The following VPS53 variants were observed in gnomAD, a reference collection of about 807,000 sequenced individuals.
VPS53 encodes vacuolar protein sorting-associated protein 53 homolog.
Under a neutral mutation model 107.0 loss-of-function variants are expected in VPS53, and 70 were observed. The observed-to-expected ratio is 0.65, with a 90% CI of 0.54 to 0.80. The LOEUF (loss-of-function observed/expected upper bound fraction) is 0.80. Ranked by LOEUF, VPS53 falls within the 30% of genes least tolerant of loss-of-function variation. VPS53 has a pLI of 0.00. For missense variants in VPS53, 917 were observed against 1,049.4 expected, an observed-to-expected ratio of 0.87 and a Z score of 1.74; for synonymous variants, 409 against 393.3, an observed-to-expected ratio of 1.04 and a Z score of -0.47.
intron 4 of VPS53, among the ~76,000 whole-genome samples, chr17:685,408 A>G (rs768743216): frequency 1.3e-5 from 2 of 152,248 alleles, no homozygotes; most frequent in Admixed American, 1.3e-4. Context: ...TGTAGAAACC[A>G]TACTTTGGGT....
At position 635,008 on chromosome 17, in the gene VPS53, A is replaced by C. The variant is rs985073193; in HGVS notation, c.609-3380T>G. Among the ~76,000 whole-genome samples the C allele has an allele frequency of 2.7e-3, 418 of 152,320 alleles. 2 individuals are homozygous for C. The highest frequency in any genetic ancestry group is 3.7e-3 in the Non-Finnish European group (250 of 68,020). On this transcript the variant is annotated intron_variant, in intron 7 of 21. Transcript: ENST00000437048. The stretch of plus-strand genomic sequence containing the variant: ...AATGGTTGAACTAGTTTACATTACC[A>C]CCAACAGTGTAAAATTGTTCCTATT...
intron 6 of VPS53, among the ~76,000 whole-genome samples, chr17:654,716 G>A (rs1268935672): frequency 2.3e-5 from 3 of 128,722 alleles, no homozygotes; most frequent in African/African-American, 6.4e-5. Context: ...CAGCCTGGGC[G>A]ACAGAGCCAG....
chr17:684,374 C>A (rs1016002739), intron 4 of VPS53, among the ~76,000 whole-genome samples: 1 of 151,958 alleles, frequency 6.6e-6, no homozygotes, highest in East Asian at 1.9e-4. Context: ...AATATAAGGT[C>A]AATAAATAAA....
In VPS53 at chr17:562,274, T is replaced by C. The variant is rs147331811; in HGVS notation, c.1556+229A>G. On this transcript the variant is annotated intron_variant, in intron 14 of 21. Coordinates refer to ENST00000437048, the MANE Select transcript of VPS53 (RefSeq NM_001128159.3). Reference sequence around the variant, plus strand: ...ATGGGATTGGTTCTCGAGTCCACCGTGGTAAGATTTGCCCACGTGGGCAGT... The same window carrying C: ...ATGGGATTGGTTCTCGAGTCCACCGCGGTAAGATTTGCCCACGTGGGCAGT... Among the ~76,000 whole-genome samples, 60 of 152,190 alleles carry C rather than the reference T, an allele frequency of 3.9e-4. 1 individual carries two copies. The East Asian group carries it at 7.5e-3, about 19-fold the overall frequency.
intron 8 of VPS53, among the ~76,000 whole-genome samples, chr17:631,198 C>T (rs1017836801): frequency 6.6e-6 from 1 of 151,810 alleles, no homozygotes; most frequent in Non-Finnish European, 1.5e-5. Context: ...AAACCAAAAC[C>T]AGTAAGTTAT....
chr17:531,517 G>A (rs1237390906), intron 19 of VPS53, among the ~76,000 whole-genome samples: 1 of 146,926 alleles, frequency 6.8e-6, no homozygotes, highest in Non-Finnish European at 1.5e-5. Flanking sequence ...TTTTTTTTTT[G>A]TGGGGCAGAT....
At position 521,873 on chromosome 17, in the gene VPS53, A is replaced by T. The variant is rs891882872; in HGVS notation, c.2086-135T>A. The T allele has an allele frequency of 3.6e-5, 39 of 1,097,736 alleles. No homozygotes were observed. In the Admixed American group the frequency reaches 6.7e-4, roughly 19 times the overall value. The allele number at this position is 1,097,736 out of a possible 1,614,324, so 68.0% of individuals were successfully genotyped here. ...TGCAAAAAATTGGGGAAATAAACAG[A>T]AATATAAAAGAAAAAAATTATGTAT... On this transcript the variant is annotated intron_variant, in intron 19 of 21. Coordinates refer to ENST00000437048, the MANE Select transcript of VPS53 (RefSeq NM_001128159.3).
intron 6 of VPS53, among the ~76,000 whole-genome samples, chr17:655,440 T>C (rs574823429): frequency 6.6e-6 from 1 of 151,618 alleles, no homozygotes; most frequent in African/African-American, 2.4e-5. Context: ...TATGGGCCTG[T>C]GTCACTCTGT....
intron 4 of VPS53, chr17:685,089 A>G (rs2740359): frequency 0.99 from 150,890 of 152,318 alleles, 74,758 homozygotes; most frequent in Middle Eastern, 1. Context: ...TTAGAGATGC[A>G]ATGAGAGACA....
intron 17 of VPS53, among the ~76,000 whole-genome samples, chr17:540,830 C>T (rs1910577911): frequency 6.6e-6 from 1 of 152,110 alleles, no homozygotes; most frequent in South Asian, 2.1e-4. Context: ...TCCCCAGAGC[C>T]CAGCTTCTGC....
At chr17:708,207 G>A (rs910851701) in intron 2 of VPS53, among the ~76,000 whole-genome samples, 6 of 152,288 alleles carry the variant, frequency 3.9e-5, no homozygotes, top group Non-Finnish European at 1.5e-5. Context: ...TAGTGGCCCC[G>A]AATGCCTGGA....
chr17:562,937 A>C (rs1215003002), intron 13 of VPS53, among the ~76,000 whole-genome samples, 192 bp from the exon 14 acceptor site: 1 of 152,096 alleles, frequency 6.6e-6, no homozygotes, highest in Non-Finnish European at 1.5e-5. Flanking sequence ...CAGTAATAAA[A>C]TCTGACATAT....
chr17:601,230 G>C (rs1968310740), intron 12 of VPS53, among the ~76,000 whole-genome samples: 1 of 152,216 alleles, frequency 6.6e-6, no homozygotes, highest in Admixed American at 6.5e-5. Flanking sequence ...CCATTCTGTA[G>C]GATGAAGGGA....
intron 11 of VPS53, among the ~76,000 whole-genome samples, chr17:611,154 T>C (rs1226351415): frequency 6.6e-6 from 1 of 151,970 alleles, no homozygotes; most frequent in East Asian, 1.9e-4. Context: ...GCTGGGATTA[T>C]AGGCACCCGC....
rs1908407943 is a variant in VPS53 at position 517,673 on chromosome 17, T to C, written c.*1455A>G. ...TAGCTGGGATTACAGGCACTCGCCA[T>C]GACACCCGGCTAATTTTTTTTATTT... On this transcript the variant is annotated 3_prime_UTR_variant, in exon 22 of 22. Transcript: ENST00000437048. The C allele has an allele frequency of 2.8e-6, 1 of 361,386 alleles. No individual in the cohort carries two copies. The highest frequency in any genetic ancestry group is 4.9e-6 in the Non-Finnish European group (1 of 203,204). The allele number at this position is 361,386 out of a possible 1,614,324, so 22.4% of individuals were successfully genotyped here. A position where few individuals can be genotyped will look rare whatever the true frequency, so the allele number is the denominator to read the frequency against.
intron 13 of VPS53, among the ~76,000 whole-genome samples, chr17:563,287 C>CTTTTTTTTTTTTT (rs36076034): frequency 1.9e-5 from 2 of 103,300 alleles, no homozygotes; most frequent in Non-Finnish European, 3.6e-5. Context: ...ACTTCATTTC[C>CTTTTTTTTTTTTT]TTTTTTTTTT....
intron 13 of VPS53, among the ~76,000 whole-genome samples, chr17:574,462 G>A (rs771175162): frequency 2.0e-5 from 3 of 152,136 alleles, no homozygotes; most frequent in Non-Finnish European, 4.4e-5. Context: ...CCTCAGACAT[G>A]TGCTTTAAAC....
intron 12 of VPS53, among the ~76,000 whole-genome samples, chr17:588,840 T>C (rs768294264): frequency 6.6e-6 from 1 of 152,212 alleles, no homozygotes; most frequent in Non-Finnish European, 1.5e-5. Context: ...TAGTTTAAGA[T>C]GAAGGATCTA....
At chr17:552,123 T>C (rs553112404) in intron 16 of VPS53, among the ~76,000 whole-genome samples, 173 bp from the exon 17 acceptor site, 2 of 152,238 alleles carry the variant, frequency 1.3e-5, no homozygotes, top group Non-Finnish European at 2.9e-5. Context: ...TGGTTTTATC[T>C]GGGTGTGTCC....
Sources: allele counts gnomAD v4.1 joint callset (sites outside exome capture counted in the v4.1 genomes callset), GRCh38; gene constraint gnomAD v4.1.1; transcripts MANE v1.5; gene names NCBI Gene and HGNC (gene_info 2026-07-23, HGNC 2026-07-21).